Variants in RGS7 observed in about 807,000 individuals in gnomAD.
The protein encoded by RGS7 is regulator of G protein signaling 7, also known as regulator of G-protein signaling 7.
A neutral mutation model predicts 81.1 loss-of-function variants in RGS7; 27 were observed. That is an observed-to-expected ratio of 0.33 (90% CI 0.25 to 0.46). The LOEUF is 0.46. Ranked by LOEUF, RGS7 falls within the 20% of genes least tolerant of loss-of-function variation. The probability of loss-of-function intolerance (pLI) is 1.00; values close to 1 mark genes in which losing one functional copy is unlikely to be tolerated. For missense variants in RGS7, 396 were observed against 607.4 expected, an observed-to-expected ratio of 0.65 and a Z score of 3.66; for synonymous variants, 208 against 207.7, an observed-to-expected ratio of 1.00 and a Z score of -0.01.
chr1:241,031,939 G>A (rs1014975147), intron 3 of RGS7, among the ~76,000 whole-genome samples: 1 of 152,184 alleles, frequency 6.6e-6, no homozygotes, highest in African/African-American at 2.4e-5. Context: ...TGTTCACTCT[G>A]TTGATTATCT....
intron 3 of RGS7, among the ~76,000 whole-genome samples, chr1:241,074,579 G>A (rs781448278): frequency 1.3e-5 from 2 of 152,114 alleles, no homozygotes; most frequent in African/African-American, 4.8e-5. Flanking sequence ...TTTCATTCTC[G>A]TGTTTACACC....
chr1:240,777,797 G>C (rs538231673), intron 18 of RGS7, among the ~76,000 whole-genome samples: 91 of 152,168 alleles, frequency 6.0e-4, no homozygotes, highest in Non-Finnish European at 1.0e-3. Context: ...GTTCATAAGG[G>C]CTTCACCTTC....
intron 2 of RGS7, among the ~76,000 whole-genome samples, chr1:241,204,160 G>A (rs2073720854): frequency 6.6e-6 from 1 of 152,200 alleles, no homozygotes; most frequent in East Asian, 1.9e-4. Flanking sequence ...TATAGAGAAG[G>A]AGGGATGGAA....
intron 2 of RGS7, among the ~76,000 whole-genome samples, chr1:241,157,520 G>A (rs1193945806): frequency 6.6e-6 from 1 of 152,176 alleles, no homozygotes; most frequent in Non-Finnish European, 1.5e-5. Context: ...AAGTAAAAAT[G>A]TGTATCAAAG....
intron 3 of RGS7, among the ~76,000 whole-genome samples, chr1:241,098,432 G>A (rs961649609): frequency 4.6e-5 from 7 of 151,684 alleles, no homozygotes; most frequent in South Asian, 2.1e-4. Context: ...GTTTTACTTC[G>A]CATTTGTTCA....
intron 9 of RGS7, among the ~76,000 whole-genome samples, chr1:240,847,633 G>A (rs1290974863): frequency 1.3e-5 from 2 of 152,176 alleles, no homozygotes; most frequent in African/African-American, 4.8e-5. Context: ...CCCAACTTCT[G>A]TCTCACTGGA....
intron 3 of RGS7, among the ~76,000 whole-genome samples, chr1:241,075,415 A>C (rs934842492): frequency 6.6e-6 from 1 of 152,178 alleles, no homozygotes; most frequent in South Asian, 2.1e-4. Flanking sequence ...TTTGACGAGG[A>C]GAAAAAGAGA....
chr1:241,090,326 G>C (rs909265289), intron 3 of RGS7, among the ~76,000 whole-genome samples: 2 of 152,048 alleles, frequency 1.3e-5, no homozygotes, highest in South Asian at 4.1e-4. Context: ...GAGTCAAGGC[G>C]ACCCCGGCAT....
intron 3 of RGS7, among the ~76,000 whole-genome samples, chr1:241,087,328 C>CA (rs761248211): frequency 2.0e-4 from 30 of 151,360 alleles, no homozygotes; most frequent in Non-Finnish European, 3.5e-4. Context: ...ATTTAAAGGG[C>CA]AAAAAAAATT....
rs1198992686 is a variant in RGS7 at position 240,814,585 on chromosome 1, C to CA, written c.845+130dup. 14 of 665,734 alleles carry CA rather than the reference C, an allele frequency of 2.1e-5. No homozygotes were observed. The East Asian group carries it at 3.5e-4, about 17-fold the overall frequency. The allele number at this position is 665,734 out of a possible 1,614,324, so 41.2% of individuals were successfully genotyped here. A position where few individuals can be genotyped will look rare whatever the true frequency, so the allele number is the denominator to read the frequency against. ...GTTTTTCTATGTGCAAAAAGGAAAA[C>CA]AAAATCACATTACTTACAGGATTCC... On this transcript the variant is annotated intron_variant, in intron 12 of 18. Coordinates refer to ENST00000440928, the MANE Select transcript of RGS7 (RefSeq NM_001364886.1).
chr1:240,933,110 C>A (rs1341052032), intron 5 of RGS7, among the ~76,000 whole-genome samples: 1 of 151,060 alleles, frequency 6.6e-6, no homozygotes, highest in Non-Finnish European at 1.5e-5. Flanking sequence ...TCTCCATCTC[C>A]TGACCTCGTG....
At chr1:241,167,837 C>T (rs1367779329) in intron 2 of RGS7, among the ~76,000 whole-genome samples, 1 of 151,988 alleles carries the variant, frequency 6.6e-6, no homozygotes, top group African/African-American at 2.4e-5. Context: ...TTTTATATTT[C>T]CCCTTCCTCT....
chr1:240,941,715 G>T (rs895317268), intron 4 of RGS7, among the ~76,000 whole-genome samples: 11 of 151,734 alleles, frequency 7.2e-5, no homozygotes, highest in African/African-American at 1.9e-4. Flanking sequence ...TATTGTTAGG[G>T]ACAAACATGG....
intron 9 of RGS7, among the ~76,000 whole-genome samples, chr1:240,864,122 T>A (rs993797255): frequency 2.6e-5 from 4 of 152,212 alleles, no homozygotes; most frequent in African/African-American, 9.6e-5. Context: ...TTAATGACTA[T>A]GTTCATAAAA....
At chr1:240,784,551 C>A (rs1252002214) in intron 18 of RGS7, among the ~76,000 whole-genome samples, 1 of 151,306 alleles carries the variant, frequency 6.6e-6, no homozygotes, top group Non-Finnish European at 1.5e-5. Flanking sequence ...GAGGCTGAGG[C>A]AGGAGAATGG....
At chr1:241,054,928 T>C (rs150347855) in intron 3 of RGS7, among the ~76,000 whole-genome samples, 1 of 152,286 alleles carries the variant, frequency 6.6e-6, no homozygotes, top group East Asian at 1.9e-4. Context: ...TCAATGCTAA[T>C]GGAATAAAAT....
chr1:241,139,807 A>G (rs887681720), intron 2 of RGS7, among the ~76,000 whole-genome samples: 2 of 152,216 alleles, frequency 1.3e-5, no homozygotes, highest in African/African-American at 4.8e-5. Flanking sequence ...CATTCATTTC[A>G]AAATACATTC....
At chr1:240,906,939 T>C (rs1277644351) in intron 6 of RGS7, among the ~76,000 whole-genome samples, 1 of 152,200 alleles carries the variant, frequency 6.6e-6, no homozygotes, top group Admixed American at 6.5e-5. Context: ...TAAGAATAAG[T>C]TATAGAAAAT....
chr1:241,065,562 G>A (rs779848787), intron 3 of RGS7, among the ~76,000 whole-genome samples: 1 of 152,136 alleles, frequency 6.6e-6, no homozygotes, highest in Non-Finnish European at 1.5e-5. Context: ...ATCAATGGGA[G>A]TTATTTAAAC....
Sources: gnomAD v4.1 joint callset for allele counts (sites outside exome capture counted in the v4.1 genomes callset) on GRCh38, gnomAD v4.1.1 for gene constraint, MANE v1.5 for transcripts, NCBI Gene and HGNC (gene_info 2026-07-23, HGNC 2026-07-21) for gene names.